Variants in DOCK4 observed in about 807,000 individuals in gnomAD.
The protein encoded by DOCK4 is dedicator of cytokinesis 4.
A neutral mutation model predicts 268.1 loss-of-function variants in DOCK4; 97 were observed. The observed-to-expected ratio is 0.36, with a 90% CI of 0.31 to 0.43. The LOEUF is 0.43. DOCK4 is among the 20% of genes least tolerant of loss of function. DOCK4 has a pLI of 1.00. For missense variants in DOCK4, 2,145 were observed against 2,455.7 expected (o/e 0.87, Z 2.67); for synonymous variants, 954 against 887.2 (o/e 1.08, Z -1.34).
At chr7:112,155,759 T>C (rs561919414) in intron 1 of DOCK4, among the ~76,000 whole-genome samples, 37 of 152,118 alleles carry the variant, frequency 2.4e-4, no homozygotes, top group Non-Finnish European at 4.6e-4. Flanking sequence ...TAATGGACGG[T>C]AGTATTTAAG....
At chr7:112,037,913 T>C (rs1358962178) in intron 1 of DOCK4, among the ~76,000 whole-genome samples, 1 of 152,206 alleles carries the variant, frequency 6.6e-6, no homozygotes, top group Admixed American at 6.5e-5. Flanking sequence ...ATAGTTTTAG[T>C]AGTTTTAATT....
At chr7:111,932,748 C>T (rs116829972) in intron 12 of DOCK4, among the ~76,000 whole-genome samples, 300 of 152,086 alleles carry the variant, frequency 2.0e-3, no homozygotes, top group African/African-American at 7.0e-3. Flanking sequence ...CTTCAAAATA[C>T]GGTATGTTCT....
At chr7:111,940,013 T>C (rs768533626) in intron 11 of DOCK4, 97 bp downstream of exon 11, 75 of 1,279,874 alleles carry the variant, frequency 5.9e-5, no homozygotes, top group Non-Finnish European at 7.9e-5. Context: ...AAACCACCCA[T>C]TGTTCTTCTC....
At chr7:111,783,018 G>GAAAAAA in intron 34 of DOCK4, 94 bp from the exon 35 acceptor site, 13 of 512,458 alleles carry the variant, frequency 2.5e-5, no homozygotes, top group South Asian at 6.8e-5. Context: ...AAGAAAGAAA[G>GAAAAAA]AAAAAAAAAA....
intron 1 of DOCK4, among the ~76,000 whole-genome samples, chr7:112,071,099 T>TG (rs758946744): frequency 7.9e-5 from 12 of 152,236 alleles, no homozygotes; most frequent in Non-Finnish European, 1.5e-4. Flanking sequence ...ATAGTGCCTT[T>TG]GGGTTACCTG....
intron 25 of DOCK4, among the ~76,000 whole-genome samples, chr7:111,837,542 A>G (rs1563571466): frequency 6.6e-6 from 1 of 152,218 alleles, no homozygotes; most frequent in Non-Finnish European, 1.5e-5. Flanking sequence ...GAACTAATTG[A>G]GTTTATTTAC....
At chr7:111,996,811 A>T (rs1036121414) in intron 4 of DOCK4, among the ~76,000 whole-genome samples, 2 of 152,232 alleles carry the variant, frequency 1.3e-5, no homozygotes, top group African/African-American at 4.8e-5. Context: ...ATTTAAAAAA[A>T]GGACGTACTT....
At chr7:111,963,237 C>T (rs915217852) in intron 8 of DOCK4, among the ~76,000 whole-genome samples, 1 of 151,614 alleles carries the variant, frequency 6.6e-6, no homozygotes, top group African/African-American at 2.4e-5. Context: ...CTCCGGACTA[C>T]AGCTCCCAGC....
chr7:111,955,370 AT>A (rs1312717163), intron 8 of DOCK4, among the ~76,000 whole-genome samples: 1 of 152,212 alleles, frequency 6.6e-6, no homozygotes, highest in Non-Finnish European at 1.5e-5. Flanking sequence ...AAAAATATTA[AT>A]GCTCAAGCCC....
chr7:111,784,122 T>C lies in DOCK4; in HGVS notation c.3403A>G (p.Ile1135Val). ...ETYRELFNSI[I>V]PLFGPYPSLL... Reference sequence around the variant, plus strand: ...CTAGGATAGGGACCAAATAGTGGAATTCTAATCCAGGAAGCATTGACAAAG... The same window carrying C: ...CTAGGATAGGGACCAAATAGTGGAACTCTAATCCAGGAAGCATTGACAAAG... The change falls in exon 33 of 53, where the codon ATT becomes GTT. Residue 1135 changes from isoleucine to valine, a missense_variant and splice_region_variant. Physicochemically the swap from Ile to Val is conservative, Grantham distance 29. Transcript: ENST00000428084. 6.3e-7 allele frequency: 1 copy of C among 1,576,246 alleles called. No individual in the cohort carries two copies. The highest frequency in any genetic ancestry group is 8.6e-7 in the Non-Finnish European group (1 of 1,166,640).
At chr7:112,111,028 C>T (rs1014370113) in intron 1 of DOCK4, among the ~76,000 whole-genome samples, 17 of 152,326 alleles carry the variant, frequency 1.1e-4, no homozygotes, top group Admixed American at 7.8e-4. Flanking sequence ...GAGTATAAGG[C>T]GTGCGGGTGA....
At chr7:111,933,575 G>C (rs951412565) in intron 12 of DOCK4, among the ~76,000 whole-genome samples, 2 of 151,926 alleles carry the variant, frequency 1.3e-5, no homozygotes, top group African/African-American at 2.4e-5. Flanking sequence ...GATTACAGAC[G>C]TGAGCCACCG....
chr7:111,929,217 A>G (rs1284698701), intron 12 of DOCK4, among the ~76,000 whole-genome samples: 1 of 152,186 alleles, frequency 6.6e-6, no homozygotes, highest in Non-Finnish European at 1.5e-5. Context: ...GCTCTGATAT[A>G]ATCCTTAAGG....
At chr7:112,179,490 C>T (rs1488730446) in intron 1 of DOCK4, among the ~76,000 whole-genome samples, 1 of 150,146 alleles carries the variant, frequency 6.7e-6, no homozygotes, top group Non-Finnish European at 1.5e-5. Context: ...ACAGGAGTTT[C>T]AGCAAAGCAC....
At chr7:111,769,737 T>C (rs1798000003) in intron 36 of DOCK4, 60 bp from the exon 37 acceptor site, 1 of 1,557,452 alleles carries the variant, frequency 6.4e-7, no homozygotes. Context: ...TTCCCTCAAA[T>C]GTGGCCAGTT....
intron 1 of DOCK4, among the ~76,000 whole-genome samples, chr7:112,130,448 T>C (rs1813698324): frequency 6.6e-6 from 1 of 152,220 alleles, no homozygotes; most frequent in Non-Finnish European, 1.5e-5. Context: ...TTTTGCTAGT[T>C]AACATAAACA....
chr7:111,985,173 C>A (rs759081061), intron 6 of DOCK4, among the ~76,000 whole-genome samples: 2 of 152,102 alleles, frequency 1.3e-5, no homozygotes, highest in Non-Finnish European at 2.9e-5. Flanking sequence ...CTAGCATGAT[C>A]CCCTCCAGGG....
At chr7:111,792,077 T>G (rs763076245) in intron 30 of DOCK4, among the ~76,000 whole-genome samples, 2 of 152,232 alleles carry the variant, frequency 1.3e-5, no homozygotes, top group Non-Finnish European at 2.9e-5. Context: ...GATGATTTCA[T>G]GTAGCAGGTG....
chr7:112,180,182 A>G (rs1818898714), intron 1 of DOCK4, among the ~76,000 whole-genome samples: 1 of 151,642 alleles, frequency 6.6e-6, no homozygotes, highest in African/African-American at 2.4e-5. Flanking sequence ...TTCACTAAGC[A>G]TATGGTAGGG....
Sources: allele counts gnomAD v4.1 joint callset (sites outside exome capture counted in the v4.1 genomes callset), GRCh38; gene constraint gnomAD v4.1.1; transcripts MANE v1.5; gene names NCBI Gene and HGNC (gene_info 2026-07-23, HGNC 2026-07-21).